The following DNAH10 variants were observed in gnomAD, a reference collection of about 807,000 sequenced individuals.
The protein encoded by DNAH10 is axonemal beta dynein heavy chain 10.
In DNAH10, 348 loss-of-function variants were observed where a neutral mutation model predicts 506.6. The observed-to-expected ratio is 0.69, with a 90% CI of 0.63 to 0.75. DNAH10 has a LOEUF of 0.75. Ranked by LOEUF, DNAH10 falls within the 30% of genes least tolerant of loss-of-function variation. The probability of loss-of-function intolerance (pLI) is 0.00; values close to 1 mark genes in which losing one functional copy is unlikely to be tolerated. For missense variants in DNAH10, 5,179 were observed against 5,787.1 expected (o/e 0.89, Z 3.41); for synonymous variants, 2,059 against 2,198.6 (o/e 0.94, Z 1.78).
At chr12:123,867,355 A>G (rs1158935776) in intron 41 of DNAH10, 112 bp from the exon 42 acceptor site, 2 of 1,179,620 alleles carry the variant, frequency 1.7e-6, no homozygotes, top group Non-Finnish European at 2.4e-6. Context: ...TGCCAAATGT[A>G]TCATTCATCA....
At chr12:123,890,043 T>C (rs1297575121) in intron 52 of DNAH10, among the ~76,000 whole-genome samples, 1 of 152,184 alleles carries the variant, frequency 6.6e-6, no homozygotes, top group East Asian at 1.9e-4. Flanking sequence ...CATCCTTGGC[T>C]GCGTCACATC....
intron 52 of DNAH10, among the ~76,000 whole-genome samples, chr12:123,889,554 A>G (rs961959830): frequency 2.0e-5 from 3 of 152,180 alleles, no homozygotes; most frequent in Non-Finnish European, 4.4e-5. Context: ...AAAGAGATAC[A>G]GCAATTGCAG....
At chr12:123,788,135 A>C in intron 10 of DNAH10, 133 bp downstream of exon 10, 1 of 1,051,790 alleles carries the variant, frequency 9.5e-7, no homozygotes, top group Non-Finnish European at 1.4e-6. Flanking sequence ...CAAAGAAAGA[A>C]CCTACGGAAT....
intron 28 of DNAH10, among the ~76,000 whole-genome samples, chr12:123,836,293 C>G (rs1018369062): frequency 2.6e-5 from 4 of 152,176 alleles, no homozygotes; most frequent in African/African-American, 2.4e-5. Flanking sequence ...AATTTCATGG[C>G]TCTCTATATT....
Position 123,925,253 on chromosome 12 carries a change from C to G in DNAH10, c.11921+49C>G. The G allele has an allele frequency of 6.2e-7, 1 of 1,610,620 alleles. No individual in the cohort carries two copies. Among genetic ancestry groups the G allele is most frequent in the Non-Finnish European group, 8.5e-7 (1 of 1,177,336 alleles). On this transcript the variant is annotated intron_variant, in intron 68 of 78. Coordinates refer to ENST00000673944, the MANE Select transcript of DNAH10 (RefSeq NM_001372106.1). The surrounding 1 kb of genome is among the most constrained non-coding windows in gnomAD (Gnocchi z 4.0). Reference sequence around the variant, plus strand: ...TGCCACTTTCCGTGGGGTGGAATCTCTAGCGTCCTCCCACCTTGGACTCAA... The same window carrying G: ...TGCCACTTTCCGTGGGGTGGAATCTGTAGCGTCCTCCCACCTTGGACTCAA...
At chr12:123,906,230 C>G (rs1007257095) in intron 57 of DNAH10, among the ~76,000 whole-genome samples, 2 of 149,946 alleles carry the variant, frequency 1.3e-5, no homozygotes, top group Non-Finnish European at 3.0e-5. Context: ...CTGCGCCCGG[C>G]CTTTGTGGCT....
intron 38 of DNAH10, among the ~76,000 whole-genome samples, chr12:123,859,542 T>A (rs569441369): frequency 6.6e-6 from 1 of 152,336 alleles, no homozygotes; most frequent in South Asian, 2.1e-4. Flanking sequence ...TAAGGATATT[T>A]TGAAAATGAA....
At chr12:123,887,553 A>G (rs1009471599) in intron 52 of DNAH10, among the ~76,000 whole-genome samples, 1 of 152,022 alleles carries the variant, frequency 6.6e-6, no homozygotes, top group African/African-American at 2.4e-5. Context: ...CCTTGCAGTA[A>G]GAACAGGTGG....
chr12:123,785,662 A>T lies in DNAH10; in HGVS notation c.1231-84A>T. 1 of 1,169,530 alleles carries T rather than the reference A, an allele frequency of 8.6e-7. No individual in the cohort carries two copies. The highest frequency in any genetic ancestry group is 1.1e-6 in the Non-Finnish European group (1 of 872,024). 72.4% of individuals were successfully genotyped at this position (1,169,530 alleles called of 1,614,324 possible). A position where few individuals can be genotyped will look rare whatever the true frequency, so the allele number is the denominator to read the frequency against. ...AAAAAAAAAAAAAAAAAAGAGTGAA[A>T]CTTCTTGCATGCTTACTGTTTTATG... On this transcript the variant is annotated intron_variant, in intron 8 of 78. Coordinates refer to ENST00000673944, the MANE Select transcript of DNAH10 (RefSeq NM_001372106.1). This position sits in a 1 kb window ranked among gnomAD's most constrained non-coding sequence, Gnocchi z 4.1.
rs1373620304 is a variant in DNAH10, at chr12:123,907,521, C to G, written c.9816-1740C>G. Among the ~76,000 whole-genome samples the G allele has an allele frequency of 6.6e-6, 1 of 152,142 alleles. No individual in the cohort carries two copies. The highest frequency in any genetic ancestry group is 2.4e-5 in the African/African-American group (1 of 41,420). On this transcript the variant is annotated intron_variant, in intron 57 of 78. Transcript: ENST00000673944. The surrounding 1 kb of genome is among the most constrained non-coding windows in gnomAD (Gnocchi z 4.4). Reference sequence around the variant, plus strand: ...TGGTATGTTCTGGATAAGTGAGATCCCAGAGCGTGGCCTGCAACCCAACAG... The same window carrying G: ...TGGTATGTTCTGGATAAGTGAGATCGCAGAGCGTGGCCTGCAACCCAACAG...
intron 58 of DNAH10, 46 bp from the exon 59 acceptor site, chr12:123,910,490 A>G (rs759303137): frequency 6.9e-6 from 11 of 1,598,712 alleles, no homozygotes; most frequent in African/African-American, 6.7e-5. Context: ...TATGCTCCCA[A>G]GATGAAGCTT....
At chr12:123,809,066 T>A in intron 19 of DNAH10, 113 bp downstream of exon 19, 1 of 1,287,706 alleles carries the variant, frequency 7.8e-7, no homozygotes. Context: ...ATTCTTGACC[T>A]TCTGCCTTGT....
At position 123,849,980 on chromosome 12, in the gene DNAH10, C is replaced by T. The variant is rs141297532; in HGVS notation, c.6103-908C>T. 2.8e-4 allele frequency among the ~76,000 whole-genome samples: 43 copies of T among 152,282 alleles called. No individual in the cohort carries two copies. The East Asian group carries it at 7.7e-3, about 27-fold the overall frequency. On this transcript the variant is annotated intron_variant, in intron 34 of 78. Transcript: ENST00000673944. ...TGCAATGTATATAGATTTCCAGAAG[C>T]TGTGTTTCTCAGAGCCAGGAGGCAG...
rs1006123932 is a variant in DNAH10 at position 123,934,239 on chromosome 12, C to G, written c.13478-382C>G. On this transcript the variant is annotated intron_variant, in intron 77 of 78. Transcript: ENST00000673944. ...TCGACTTCCTGCTCCCCAGCCACTT[C>G]GGCTCACAGGGTAGCTGGGGTTGCC... 3 of 701,084 alleles carry G rather than the reference C, an allele frequency of 4.3e-6. No homozygotes were observed. In the South Asian group the frequency reaches 4.5e-5, roughly 10 times the overall value. The allele number at this position is 701,084 out of a possible 1,614,324, so 43.4% of individuals were successfully genotyped here. A position where few individuals can be genotyped will look rare whatever the true frequency, so the allele number is the denominator to read the frequency against.
At chr12:123,880,812 C>T (rs556493596) in intron 50 of DNAH10, among the ~76,000 whole-genome samples, 1 of 114,028 alleles carries the variant, frequency 8.8e-6, no homozygotes, top group Admixed American at 1.0e-4. Flanking sequence ...CCCCCCACCC[C>T]ACAACAGGCC....
chr12:123,779,097 T>A (rs913016712), intron 5 of DNAH10, among the ~76,000 whole-genome samples: 1 of 151,798 alleles, frequency 6.6e-6, no homozygotes, highest in African/African-American at 2.4e-5. Flanking sequence ...TAGAGATGGG[T>A]TTTCACCATG....
At chr12:123,900,326 C>T (rs1028893769) in intron 56 of DNAH10, among the ~76,000 whole-genome samples, 6 of 152,176 alleles carry the variant, frequency 3.9e-5, no homozygotes, top group Admixed American at 2.0e-4. Flanking sequence ...TGGTATTCCA[C>T]GTATTCATCT....
In DNAH10 at chr12:123,785,665, T is replaced by G; in HGVS notation, c.1231-81T>G. The G allele has an allele frequency of 3.2e-5, 36 of 1,138,982 alleles. No homozygotes were observed. The highest frequency in any genetic ancestry group is 3.9e-5 in the Non-Finnish European group (33 of 839,364). 70.6% of individuals were successfully genotyped at this position (1,138,982 alleles called of 1,614,324 possible). ...AAAAAAAAAAAAAAAGAGTGAAACT[T>G]CTTGCATGCTTACTGTTTTATGAAA... On this transcript the variant is annotated intron_variant, in intron 8 of 78. Transcript: ENST00000673944. The surrounding 1 kb of genome is among the most constrained non-coding windows in gnomAD (Gnocchi z 4.1).
rs1437866790 is a variant in DNAH10 at position 123,849,935 on chromosome 12, C to G, written c.6103-953C>G. Reference sequence around the variant, plus strand: ...GATTTTTGGGGCTGAGCTGACTGCTCCCGAGAGAGGGAATTAACCTGCAAT... The same window carrying G: ...GATTTTTGGGGCTGAGCTGACTGCTGCCGAGAGAGGGAATTAACCTGCAAT... On this transcript the variant is annotated intron_variant, in intron 34 of 78. Transcript: ENST00000673944. 2.0e-5 allele frequency among the ~76,000 whole-genome samples: 3 copies of G among 152,134 alleles called. No homozygotes were observed. In the East Asian group the frequency reaches 5.8e-4, roughly 29 times the overall value.
Sources: allele counts gnomAD v4.1 joint callset (sites outside exome capture counted in the v4.1 genomes callset), GRCh38; gene constraint gnomAD v4.1.1; non-coding constraint Gnocchi (gnomAD v3.1); transcripts MANE v1.5; gene names NCBI Gene and HGNC (gene_info 2026-07-23, HGNC 2026-07-21).